The following SLC45A4 variants were observed in gnomAD, a reference collection of about 807,000 sequenced individuals.
The protein encoded by SLC45A4 is polyamine-transporter SLC45A4.
A neutral mutation model predicts 63.7 loss-of-function variants in SLC45A4; 32 were observed. That is an observed-to-expected ratio of 0.50 (90% confidence interval 0.38 to 0.67). SLC45A4 has a LOEUF of 0.67. SLC45A4 is among the 30% of genes least tolerant of loss of function. The pLI is 0.00. For missense variants in SLC45A4, 1,027 were observed against 1,157.7 expected, an observed-to-expected ratio of 0.89 and a Z score of 1.64; for synonymous variants, 535 against 510.0, an observed-to-expected ratio of 1.05 and a Z score of -0.66.
chr8:141,267,854 C>T (rs1411738424), intron 1 of SLC45A4, among the ~76,000 whole-genome samples: 2 of 151,974 alleles, frequency 1.3e-5, no homozygotes, highest in African/African-American at 2.4e-5. Flanking sequence ...CGCTCGTTCA[C>T]GGTTGGCAGA....
intron 1 of SLC45A4, among the ~76,000 whole-genome samples, chr8:141,289,691 T>C (rs1359144513): frequency 6.6e-6 from 1 of 152,140 alleles, no homozygotes; most frequent in East Asian, 1.9e-4. Context: ...CAGAGGGACC[T>C]TCAGGGGTCC....
At position 141,263,769 on chromosome 8, in the gene SLC45A4, C is replaced by CAAAAA. The variant is rs67335309; in HGVS notation, c.-400-9145_-400-9141dup. Among the ~76,000 whole-genome samples, 6 of 89,064 alleles carry CAAAAA rather than the reference C, an allele frequency of 6.7e-5. No homozygotes were observed. In the East Asian group the frequency reaches 1.5e-3, roughly 23 times the overall value. 58.4% of individuals were successfully genotyped at this position (89,064 alleles called of 152,430 possible). On this transcript the variant is annotated intron_variant, in intron 1 of 8. Coordinates refer to ENST00000517878, the MANE Select transcript of SLC45A4 (RefSeq NM_001286646.2). Reference sequence around the variant, plus strand: ...TGGGCGACAGAGCAAGACTCCGTCTCAAAAAAAAAAAAAATAAAAATAATA... The same window carrying CAAAAA: ...TGGGCGACAGAGCAAGACTCCGTCTCAAAAAAAAAAAAAAAAAAATAAAAATAATA...
At chr8:141,235,280 G>A (rs544125421) in intron 2 of SLC45A4, among the ~76,000 whole-genome samples, 1 of 152,314 alleles carries the variant, frequency 6.6e-6, no homozygotes, top group South Asian at 2.1e-4. Context: ...AAATGCATGA[G>A]ACACACAGGC....
chr8:141,248,203 A>G (rs749613258), intron 2 of SLC45A4, among the ~76,000 whole-genome samples: 2 of 152,258 alleles, frequency 1.3e-5, no homozygotes, highest in Non-Finnish European at 2.9e-5. Context: ...GAAAAAGAAC[A>G]AAAAAGAACA....
chr8:141,234,636 T>G (rs780487149), intron 2 of SLC45A4, among the ~76,000 whole-genome samples: 2 of 152,190 alleles, frequency 1.3e-5, no homozygotes, highest in Non-Finnish European at 2.9e-5. Context: ...CCTGATGCAG[T>G]CTGCCTGCCG....
chr8:141,276,369 C>T (rs563156374), intron 1 of SLC45A4, among the ~76,000 whole-genome samples: 6 of 152,268 alleles, frequency 3.9e-5, no homozygotes, highest in African/African-American at 7.2e-5. Flanking sequence ...CAGAGGTTTG[C>T]GATGCGAGCA....
At chr8:141,214,129 T>C (rs1589756258) in intron 7 of SLC45A4, among the ~76,000 whole-genome samples, 1 of 150,810 alleles carries the variant, frequency 6.6e-6, no homozygotes, top group South Asian at 2.1e-4. Flanking sequence ...GAGGCAGAGG[T>C]TGTAGTGAGC....
chr8:141,285,203 C>T lies in SLC45A4; in HGVS notation c.-401+22893G>A, dbSNP rs1009947952. On this transcript the variant is annotated intron_variant, in intron 1 of 8. Coordinates refer to ENST00000517878, the MANE Select transcript of SLC45A4 (RefSeq NM_001286646.2). ...GCACGTGGTCACTGCCCTGCCCTGC[C>T]TGCAACAGCAGCCACCAGAGAGCGT... is the stretch of plus-strand genomic sequence containing the variant. 3.2e-4 allele frequency among the ~76,000 whole-genome samples: 49 copies of T among 152,368 alleles called. 1 individual carries two copies. The highest frequency in any genetic ancestry group is 9.6e-5 in the African/African-American group (4 of 41,592).
intron 1 of SLC45A4, among the ~76,000 whole-genome samples, chr8:141,279,336 A>G (rs900619998): frequency 2.6e-5 from 4 of 152,254 alleles, no homozygotes; most frequent in African/African-American, 9.6e-5. Context: ...ACTGAAAAGT[A>G]ACATCCGCAG....
chr8:141,245,144 A>G (rs1333351673), intron 2 of SLC45A4, among the ~76,000 whole-genome samples: 2 of 152,170 alleles, frequency 1.3e-5, no homozygotes, highest in Admixed American at 1.3e-4. Context: ...ACAGCTAACA[A>G]TTACAGGCTC....
intron 6 of SLC45A4, among the ~76,000 whole-genome samples, chr8:141,216,541 G>A (rs577336442): frequency 6.6e-6 from 1 of 152,268 alleles, no homozygotes; most frequent in Admixed American, 6.5e-5. Context: ...CATTTACTTC[G>A]GCCATCCTCA....
rs1172605035 is a variant in SLC45A4, at chr8:141,210,872, G to C, written c.*700C>G. On this transcript the variant is annotated 3_prime_UTR_variant, in exon 9 of 9. Transcript: ENST00000517878. ...CGTTTCAAATAGGCTTAGTTCTAAA[G>C]AGACTGTGGTTTGGAAAACATTTCC... is the stretch of plus-strand genomic sequence containing the variant. 6.6e-6 allele frequency: 1 copy of C among 152,292 alleles called. No individual in the cohort carries two copies. Among genetic ancestry groups the C allele is most frequent in the Non-Finnish European group, 1.5e-5 (1 of 68,078 alleles). 9.4% of individuals were successfully genotyped at this position (152,292 alleles called of 1,614,324 possible).
Position 141,284,674 on chromosome 8 carries a change from A to G in SLC45A4, c.-401+23422T>C, listed in dbSNP as rs535922454. ...ATTTCTAGTTTGGCCAGTGGCCCCA[A>G]GTAACTCTGTTTATTTGGTTAGAGC... On this transcript the variant is annotated intron_variant, in intron 1 of 8. Transcript: ENST00000517878. Among the ~76,000 whole-genome samples, 10 of 152,322 alleles carry G rather than the reference A, an allele frequency of 6.6e-5. No homozygotes were observed. In the East Asian group the frequency reaches 1.2e-3, roughly 18 times the overall value.
intron 1 of SLC45A4, among the ~76,000 whole-genome samples, chr8:141,262,314 CT>C (rs1240517711): frequency 6.7e-6 from 1 of 149,498 alleles, no homozygotes; most frequent in Non-Finnish European, 1.5e-5. Context: ...TGGGCAAGGA[CT>C]TCATGTCTAA....
intron 1 of SLC45A4, among the ~76,000 whole-genome samples, chr8:141,303,388 C>A (rs1830809545): frequency 6.7e-6 from 1 of 150,118 alleles, no homozygotes; most frequent in Non-Finnish European, 1.5e-5. Flanking sequence ...GATCCTCCTG[C>A]CTCAGCCTCC....
At chr8:141,260,738 T>G (rs1460334631) in intron 1 of SLC45A4, among the ~76,000 whole-genome samples, 4 of 152,114 alleles carry the variant, frequency 2.6e-5, no homozygotes. Context: ...AATCAATAGC[T>G]TACCAACCAA....
chr8:141,242,835 A>G (rs1336067551), intron 2 of SLC45A4, among the ~76,000 whole-genome samples: 1 of 152,048 alleles, frequency 6.6e-6, no homozygotes, highest in Admixed American at 6.6e-5. Flanking sequence ...GTTTATACAA[A>G]CACCGCGGGA....
chr8:141,274,096 G>A (rs181764427), intron 1 of SLC45A4, among the ~76,000 whole-genome samples: 3 of 152,074 alleles, frequency 2.0e-5, no homozygotes, highest in Non-Finnish European at 4.4e-5. Flanking sequence ...GGGCGTGGTG[G>A]CAGGCGCCGA....
chr8:141,263,628 G>T (rs1448641692), intron 1 of SLC45A4, among the ~76,000 whole-genome samples: 2 of 151,176 alleles, frequency 1.3e-5, no homozygotes, highest in Non-Finnish European at 1.5e-5. Flanking sequence ...AAATTAGCTG[G>T]GCATGGTGGC....
Sources: allele counts gnomAD v4.1 joint callset (sites outside exome capture counted in the v4.1 genomes callset), GRCh38; gene constraint gnomAD v4.1.1; transcripts MANE v1.5; gene names NCBI Gene and HGNC (gene_info 2026-07-23, HGNC 2026-07-21).